Variants in MDGA2 observed in about 807,000 individuals in gnomAD.
The protein encoded by MDGA2 is MAM domain-containing glycosylphosphatidylinositol anchor protein 2.
Under a neutral mutation model 117.8 loss-of-function variants are expected in MDGA2, and 40 were observed. The ratio of observed to expected loss-of-function variants is 0.34; its 90% CI spans 0.26 to 0.44. MDGA2 has a LOEUF of 0.44. Ranked by LOEUF, MDGA2 falls within the 20% of genes least tolerant of loss-of-function variation. The pLI is 1.00. For missense variants in MDGA2, 1,123 were observed against 1,250.6 expected (o/e 0.90, Z 1.54); for synonymous variants, 452 against 439.0 (o/e 1.03, Z -0.37).
intron 1 of MDGA2, among the ~76,000 whole-genome samples, chr14:47,353,023 A>T (rs2416053): frequency 1 from 152,164 of 152,274 alleles, 76,027 homozygotes; most frequent in Middle Eastern, 1. Context: ...CAGGGTGAGC[A>T]GCTTGTAAGG....
chr14:47,136,794 G>A (rs1462795592), intron 4 of MDGA2, among the ~76,000 whole-genome samples: 1 of 152,138 alleles, frequency 6.6e-6, no homozygotes, highest in Non-Finnish European at 1.5e-5. Context: ...CACACAGTAA[G>A]GTTTTAGTAA....
intron 1 of MDGA2, among the ~76,000 whole-genome samples, chr14:47,585,734 C>A (rs1896311994): frequency 6.6e-6 from 1 of 151,852 alleles, no homozygotes; most frequent in Non-Finnish European, 1.5e-5. Flanking sequence ...CCTCTCTCTA[C>A]CTATTCCCCT....
rs775481961 is a variant in MDGA2, at chr14:46,855,198, C to T, written c.2753-44G>A. 6.4e-7 allele frequency: 1 copy of T among 1,555,344 alleles called. No individual in the cohort carries two copies. Among genetic ancestry groups the T allele is most frequent in the Non-Finnish European group, 8.7e-7 (1 of 1,148,576 alleles). ...TTTTATTTTGCATATTCATTTTCAC[C>T]TCAAATTTGTTTTTCCTTGACCAAA... On this transcript the variant is annotated intron_variant, in intron 14 of 16. Transcript: ENST00000399232. This position sits in a 1 kb window ranked among gnomAD's most constrained non-coding sequence, Gnocchi z 4.1.
At chr14:47,672,448 C>T (rs538044305) in intron 1 of MDGA2, among the ~76,000 whole-genome samples, 2 of 152,280 alleles carry the variant, frequency 1.3e-5, no homozygotes, top group East Asian at 3.9e-4. Flanking sequence ...AGATCTTACC[C>T]TTTTCCACTA....
chr14:47,469,802 C>T lies in MDGA2; in HGVS notation c.281-168252G>A, dbSNP rs1440358894. ...AAAAGTGTTCCTATTTCTCCACATC[C>T]TCTCCAGCACCTGTTGTTTCCTGAC... is the stretch of plus-strand genomic sequence containing the variant. On this transcript the variant is annotated intron_variant, in intron 1 of 16. Transcript: ENST00000399232. Among the ~76,000 whole-genome samples the T allele has an allele frequency of 2.0e-5, 3 of 152,162 alleles. No homozygotes were observed. In the East Asian group the frequency reaches 5.8e-4, roughly 29 times the overall value.
intron 1 of MDGA2, among the ~76,000 whole-genome samples, chr14:47,443,065 T>G (rs1183580568): frequency 1.3e-5 from 2 of 152,142 alleles, no homozygotes; most frequent in African/African-American, 4.8e-5. Flanking sequence ...GCAATTAAGA[T>G]ATGCCATAAA....
chr14:47,553,183 T>C (rs1895618106), intron 1 of MDGA2, among the ~76,000 whole-genome samples: 1 of 152,242 alleles, frequency 6.6e-6, no homozygotes. Context: ...GTACTGCATA[T>C]TTATTGGCTT....
chr14:47,563,097 A>C (rs1324658391), intron 1 of MDGA2, among the ~76,000 whole-genome samples: 1 of 151,930 alleles, frequency 6.6e-6, no homozygotes. Context: ...GTCTGAAAGC[A>C]TGGTTGGTAT....
intron 5 of MDGA2, among the ~76,000 whole-genome samples, chr14:47,121,475 A>G (rs754098527): frequency 6.6e-6 from 1 of 152,078 alleles, no homozygotes; most frequent in African/African-American, 2.4e-5. Context: ...CTATGATTTA[A>G]TATTACTTCT....
chr14:46,862,140 A>G (rs1467896726), intron 14 of MDGA2, among the ~76,000 whole-genome samples: 2 of 151,940 alleles, frequency 1.3e-5, no homozygotes, highest in African/African-American at 4.8e-5. Flanking sequence ...GGATTTTTCA[A>G]ATTCTATAGT....
At chr14:47,657,170 G>A (rs1897761108) in intron 1 of MDGA2, among the ~76,000 whole-genome samples, 1 of 152,050 alleles carries the variant, frequency 6.6e-6, no homozygotes, top group African/African-American at 2.4e-5. Context: ...AGAAATTACG[G>A]GGCAAAGATA....
intron 8 of MDGA2, among the ~76,000 whole-genome samples, chr14:46,982,113 T>A (rs982219721): frequency 2.0e-5 from 3 of 152,218 alleles, no homozygotes; most frequent in African/African-American, 7.2e-5. Context: ...TGATGTCACA[T>A]ACAAGTGTTG....
At chr14:46,931,214 C>CAA (rs34493526) in intron 9 of MDGA2, among the ~76,000 whole-genome samples, 144 of 76,034 alleles carry the variant, frequency 1.9e-3, no homozygotes, top group East Asian at 4.0e-3. Context: ...GACTACATCT[C>CAA]AAAAAAAAAA....
At chr14:47,161,251 A>C (rs1883620879) in intron 3 of MDGA2, among the ~76,000 whole-genome samples, 1 of 152,086 alleles carries the variant, frequency 6.6e-6, no homozygotes, top group Non-Finnish European at 1.5e-5. Context: ...TAAAAAAATA[A>C]TTACGGCATT....
At chr14:47,489,867 C>T (rs1247678166) in intron 1 of MDGA2, among the ~76,000 whole-genome samples, 1 of 152,024 alleles carries the variant, frequency 6.6e-6, no homozygotes, top group African/African-American at 2.4e-5. Context: ...TCAAACTAAT[C>T]ATCAGCATTC....
intron 1 of MDGA2, among the ~76,000 whole-genome samples, chr14:47,621,798 GAC>G (rs1341637690): frequency 6.6e-6 from 1 of 152,192 alleles, no homozygotes; most frequent in Non-Finnish European, 1.5e-5. Context: ...AAGTGAAGAA[GAC>G]ACAGAGCAGA....
At chr14:47,654,261 C>G (rs1048516816) in intron 1 of MDGA2, among the ~76,000 whole-genome samples, 10 of 152,070 alleles carry the variant, frequency 6.6e-5, no homozygotes, top group African/African-American at 2.4e-4. Context: ...CTAGAGATAA[C>G]AAAATCTAGT....
At chr14:47,667,446 A>T (rs1331756142) in intron 1 of MDGA2, among the ~76,000 whole-genome samples, 1 of 152,218 alleles carries the variant, frequency 6.6e-6, no homozygotes, top group Non-Finnish European at 1.5e-5. Flanking sequence ...CACAGGCTCT[A>T]TTAAGAGCCC....
intron 3 of MDGA2, among the ~76,000 whole-genome samples, chr14:47,162,111 AG>A (rs1430182196): frequency 6.6e-6 from 1 of 151,654 alleles, no homozygotes; most frequent in Non-Finnish European, 1.5e-5. Context: ...ACGCCCAGCT[AG>A]TTTTTTGTAT....
Sources: gnomAD v4.1 joint callset for allele counts (sites outside exome capture counted in the v4.1 genomes callset) on GRCh38, gnomAD v4.1.1 for gene constraint, Gnocchi (gnomAD v3.1) non-coding constraint, MANE v1.5 for transcripts, NCBI Gene and HGNC (gene_info 2026-07-23, HGNC 2026-07-21) for gene names.